The following SI variants were observed in gnomAD, a reference collection of about 807,000 sequenced individuals.
The protein encoded by SI is sucrase-isomaltase, intestinal.
A neutral mutation model predicts 253.3 loss-of-function variants in SI; 235 were observed. The observed-to-expected ratio is 0.93, with a 90% CI of 0.83 to 1.03. The LOEUF is 1.03. SI is among the 50% of genes least tolerant of loss of function. The probability of loss-of-function intolerance (pLI) is 0.00; values close to 1 mark genes in which losing one functional copy is unlikely to be tolerated. For missense variants in SI, 2,442 were observed against 2,211.1 expected (o/e 1.10, Z -2.09); for synonymous variants, 819 against 712.0 (o/e 1.15, Z -2.39).
At position 165,016,081 on chromosome 3, in the gene SI, C is replaced by T. The variant is rs1279115346; in HGVS notation, c.3760-1G>A. The T allele has an allele frequency of 1.2e-6, 2 of 1,612,180 alleles. No homozygotes were observed. The highest frequency in any genetic ancestry group is 1.7e-6 in the Non-Finnish European group (2 of 1,178,786). Reference sequence around the variant, plus strand: ...AGTCAATGTCTGTGTACTGAACATCCTGAAATATCCAAAAATTATCAAAGT... The same window carrying T: ...AGTCAATGTCTGTGTACTGAACATCTTGAAATATCCAAAAATTATCAAAGT... On this transcript the variant is annotated splice_acceptor_variant, in intron 31 of 47. Transcript: ENST00000264382. LOFTEE classifies it high-confidence loss of function.
At position 165,030,877 on chromosome 3, in the gene SI, CAAAAA is replaced by C; in HGVS notation, c.2737-15_2737-11del. 1 of 1,213,828 alleles carries C rather than the reference CAAAAA, an allele frequency of 8.2e-7. No homozygotes were observed. The allele number at this position is 1,213,828 out of a possible 1,614,324, so 75.2% of individuals were successfully genotyped here. A position where few individuals can be genotyped will look rare whatever the true frequency, so the allele number is the denominator to read the frequency against. ...CTGCAATTAGGAGAACCTTTGAAGA[CAAAAA>C]AAAAAAAAGAAAAAAAGAAAAAAAA... On this transcript the variant is annotated splice_polypyrimidine_tract_variant and intron_variant, in intron 24 of 47. Transcript: ENST00000264382.
rs1368206655 is a variant in SI, at chr3:165,006,906, T to C, written c.4316A>G (p.Glu1439Gly). Residue 1439 changes from glutamate to glycine, a missense_variant, in exon 37 of 48, where the codon GAA (glutamate) becomes GGA (glycine). Physicochemically the swap from Glu to Gly is moderately conservative, Grantham distance 98. Coordinates refer to ENST00000264382, the MANE Select transcript of SI (RefSeq NM_001041.4). Reference protein sequence around the residue: ...DGLHFRTICMEAEQILSDGTS... With the variant: ...DGLHFRTICMGAEQILSDGTS... ...TCCATCACTAAGAATCTGCTCAGCT[T>C]CCATGCAAATTGTTCTGAAATGTAA... The C allele has an allele frequency of 1.2e-6, 2 of 1,612,010 alleles. No individual in the cohort carries two copies. Among genetic ancestry groups the C allele is most frequent in the Non-Finnish European group, 1.7e-6 (2 of 1,178,484 alleles).
rs1559979492 is a variant in SI at position 164,992,126 on chromosome 3, CA to C, written c.4983+50del. On this transcript the variant is annotated intron_variant, in intron 43 of 47. Coordinates refer to ENST00000264382, the MANE Select transcript of SI (RefSeq NM_001041.4). ...CGTTAATGAAAAGGCTAGGGCCAAA[CA>C]ATTACCCGTTTCTGTTTAGTTAATT... is the stretch of plus-strand genomic sequence containing the variant. 8.2e-6 allele frequency: 12 copies of C among 1,458,372 alleles called. No homozygotes were observed. In the East Asian group the frequency reaches 2.7e-4, roughly 33 times the overall value. 90.3% of individuals were successfully genotyped at this position (1,458,372 alleles called of 1,614,324 possible).
At chr3:165,058,400 C>A (rs1713804578) in intron 12 of SI, among the ~76,000 whole-genome samples, 1 of 151,344 alleles carries the variant, frequency 6.6e-6, no homozygotes, top group Non-Finnish European at 1.5e-5. Context: ...AAGAGCAAAC[C>A]AAACCCTAAA....
intron 41 of SI, among the ~76,000 whole-genome samples, chr3:164,993,508 G>A (rs1717869395): frequency 6.6e-6 from 1 of 151,484 alleles, no homozygotes; most frequent in Admixed American, 6.6e-5. Flanking sequence ...TTTTTAAATG[G>A]GCTTATCAAT....
intron 22 of SI, among the ~76,000 whole-genome samples, chr3:165,034,127 A>G (rs1463166914): frequency 6.6e-6 from 1 of 151,838 alleles, no homozygotes; most frequent in African/African-American, 2.4e-5. Flanking sequence ...TTTGCTTAAA[A>G]TTTTAGTCCT....
chr3:165,032,565 G>A lies in SI; in HGVS notation c.2693C>T (p.Pro898Leu). 1.2e-6 allele frequency: 2 copies of A among 1,608,910 alleles called. No homozygotes were observed. Among genetic ancestry groups the A allele is most frequent in the East Asian group, 4.5e-5 (2 of 44,632 alleles). Residue 898 changes from proline to leucine, a missense_variant, in exon 24 of 48, where the codon CCA (proline) becomes CTA (leucine). Pro to Leu is a moderately conservative substitution (Grantham distance 98). Transcript: ENST00000264382. ...TEVRVAENNQPMNAHSNFTYD... is the reference protein window; with the variant it reads ...TEVRVAENNQLMNAHSNFTYD... ...AGTGAAATTGGAATGAGCGTTCATT[G>A]GTTGATTATTTTCCGCCACTCTAAC...
At chr3:165,044,980 G>A (rs1282779395) in intron 16 of SI, among the ~76,000 whole-genome samples, 3 of 151,954 alleles carry the variant, frequency 2.0e-5, no homozygotes, top group South Asian at 2.1e-4. Context: ...TGAGTCAATA[G>A]TCCATATAAA....
rs977034246 is a variant in SI, at chr3:164,994,500, G to C, written c.4693-95C>G. On this transcript the variant is annotated intron_variant, in intron 40 of 47. Coordinates refer to ENST00000264382, the MANE Select transcript of SI (RefSeq NM_001041.4). ...TTTGAAGAACTAAAAAGTAAGACAT[G>C]ATATTAATTGATTGTCATGTGCTAT... 100 of 1,260,058 alleles carry C rather than the reference G, an allele frequency of 7.9e-5. No individual in the cohort carries two copies. The African/African-American group carries it at 1.4e-3, about 17-fold the overall frequency. The allele number at this position is 1,260,058 out of a possible 1,614,324, so 78.1% of individuals were successfully genotyped here.
rs150927256 is a variant in SI at position 165,030,815 on chromosome 3, T to C, written c.2789A>G (p.Gln930Arg). The change falls in exon 25 of 48, where the codon CAA becomes CGA. Residue 930 changes from glutamine to arginine, a missense_variant. Physicochemically the swap from Gln to Arg is conservative, Grantham distance 43. Coordinates refer to ENST00000264382, the MANE Select transcript of SI (RefSeq NM_001041.4). The part of the protein sequence containing the change: ...KLNLGRNFSV[Q>R]WNQIFSENER... ...ATTTTCTGAGAAAATTTGATTCCAT[T>C]GAACACTAAAGTTTCTTCCAAGATT... 925 of 1,600,074 alleles carry C rather than the reference T, an allele frequency of 5.8e-4. 4 individuals are homozygous for C. The highest frequency in any genetic ancestry group is 5.2e-4 in the Non-Finnish European group (614 of 1,174,780).
intron 8 of SI, among the ~76,000 whole-genome samples, 192 bp from the exon 9 acceptor site, chr3:165,062,675 A>G (rs936257808): frequency 1.3e-5 from 2 of 152,104 alleles, no homozygotes; most frequent in South Asian, 4.1e-4. Context: ...TCTGAGGCTT[A>G]TAATAAAATA....
the SI span, among the ~76,000 whole-genome samples, chr3:165,088,063 G>A: frequency 1.3e-5 from 2 of 152,054 alleles, no homozygotes; most frequent in Admixed American, 1.3e-4. Context: ...AAAAAATAAA[G>A]GTCCAGGAAC....
Position 165,061,788 on chromosome 3 carries a change from G to A in SI, c.1020+583C>T, listed in dbSNP as rs542566025. Among the ~76,000 whole-genome samples, 10 of 151,920 alleles carry A rather than the reference G, an allele frequency of 6.6e-5. No homozygotes were observed. In the South Asian group the frequency reaches 1.9e-3, roughly 28 times the overall value. ...CCCCACCTCTCTAAAGCCCATATTG[G>A]GCTCAGGTATACAAGATGTTACTTA... On this transcript the variant is annotated intron_variant, in intron 9 of 47. Transcript: ENST00000264382.
At chr3:165,077,561 T>C (rs1715082164) in intron 1 of SI, among the ~76,000 whole-genome samples, 1 of 151,678 alleles carries the variant, frequency 6.6e-6, no homozygotes, top group Admixed American at 6.6e-5. Flanking sequence ...ATTGCATCAG[T>C]AATTTTCAAA....
chr3:165,001,555 G>A (rs1298513618), intron 37 of SI, among the ~76,000 whole-genome samples: 3 of 151,366 alleles, frequency 2.0e-5, no homozygotes, highest in African/African-American at 4.8e-5. Flanking sequence ...AGAAGACAAT[G>A]TGAAACACTA....
intron 31 of SI, 101 bp downstream of exon 31, chr3:165,017,447 C>T (rs1026820509): frequency 4.3e-6 from 5 of 1,167,350 alleles, no homozygotes; most frequent in Non-Finnish European, 6.2e-6. Flanking sequence ...AAAAGCTAAG[C>T]ATTATTACCA....
intron 24 of SI, among the ~76,000 whole-genome samples, chr3:165,031,903 C>A (rs1244123334): frequency 1.3e-5 from 2 of 150,964 alleles, no homozygotes; most frequent in African/African-American, 4.8e-5. Context: ...CGTTTAGAAG[C>A]AGAGATAGCA....
chr3:165,044,431 A>T (rs1713011024), intron 16 of SI, among the ~76,000 whole-genome samples: 1 of 151,926 alleles, frequency 6.6e-6, no homozygotes. Flanking sequence ...CCAATTCTTG[A>T]TATTTTCAGA....
At chr3:164,999,138 T>C (rs1057078017) in intron 37 of SI, among the ~76,000 whole-genome samples, 3 of 151,822 alleles carry the variant, frequency 2.0e-5, no homozygotes, top group African/African-American at 7.2e-5. Context: ...AAGGTTTAAT[T>C]TGAAGAGAGC....
Sources: allele counts gnomAD v4.1 joint callset (sites outside exome capture counted in the v4.1 genomes callset), GRCh38; gene constraint gnomAD v4.1.1; transcripts MANE v1.5; gene names NCBI Gene and HGNC (gene_info 2026-07-23, HGNC 2026-07-21).